The following FAM13A variants were observed in gnomAD, a reference collection of about 807,000 sequenced individuals.
The protein encoded by FAM13A is protein FAM13A.
Under a neutral mutation model 129.6 loss-of-function variants are expected in FAM13A, and 76 were observed. The observed-to-expected ratio is 0.59, with a 90% confidence interval of 0.49 to 0.71. The LOEUF (loss-of-function observed/expected upper bound fraction) is 0.71. Ranked by LOEUF, FAM13A falls within the 30% of genes least tolerant of loss-of-function variation. FAM13A has a pLI of 0.00. For synonymous variants in FAM13A, 443 were observed against 449.9 expected, an observed-to-expected ratio of 0.98 and a Z score of 0.20; for missense variants, 1,108 against 1,249.3, an observed-to-expected ratio of 0.89 and a Z score of 1.70.
At chr4:88,871,724 A>C (rs1205899976) in intron 6 of FAM13A, among the ~76,000 whole-genome samples, 1 of 152,238 alleles carries the variant, frequency 6.6e-6, no homozygotes, top group East Asian at 1.9e-4. Flanking sequence ...AACACTCTGC[A>C]GGATATTATC....
chr4:88,985,008 C>T (rs1388476556), intron 4 of FAM13A, among the ~76,000 whole-genome samples: 3 of 152,084 alleles, frequency 2.0e-5, no homozygotes, highest in South Asian at 2.1e-4. Context: ...CAGCATCATT[C>T]GAAATAGCCA....
intron 1 of FAM13A, among the ~76,000 whole-genome samples, chr4:89,041,133 CAT>C (rs1292136191): frequency 6.6e-6 from 1 of 152,170 alleles, no homozygotes; most frequent in African/African-American, 2.4e-5. Context: ...TGAGTACAAA[CAT>C]ACAGTTAGAA....
At chr4:89,045,306 T>C (rs763913315) in intron 1 of FAM13A, among the ~76,000 whole-genome samples, 1 of 152,080 alleles carries the variant, frequency 6.6e-6, no homozygotes, top group Admixed American at 6.6e-5. Flanking sequence ...TTCACCTCAG[T>C]AAGGGGCAGA....
At chr4:88,782,776 T>C (rs1280134058) in intron 10 of FAM13A, among the ~76,000 whole-genome samples, 1 of 152,176 alleles carries the variant, frequency 6.6e-6, no homozygotes, top group African/African-American at 2.4e-5. Flanking sequence ...GAGGAGAAGA[T>C]GATAGGGACT....
intron 19 of FAM13A, among the ~76,000 whole-genome samples, chr4:88,739,802 A>AAG (rs1739840878): frequency 6.6e-6 from 1 of 151,420 alleles, no homozygotes; most frequent in Admixed American, 6.6e-5. Context: ...AAAAAAAAAA[A>AAG]AAAAATACAT....
intron 7 of FAM13A, among the ~76,000 whole-genome samples, chr4:88,813,501 T>C (rs1213885908): frequency 6.6e-6 from 1 of 152,146 alleles, no homozygotes; most frequent in Non-Finnish European, 1.5e-5. Flanking sequence ...CAAAACAATA[T>C]GGGGATACCT....
chr4:88,915,035 C>G (rs907576907), intron 5 of FAM13A, among the ~76,000 whole-genome samples: 2 of 152,162 alleles, frequency 1.3e-5, no homozygotes, highest in African/African-American at 2.4e-5. Flanking sequence ...ATTTGGTGAT[C>G]TGGAGAGCAG....
intron 6 of FAM13A, among the ~76,000 whole-genome samples, chr4:88,887,635 A>T (rs1157707265): frequency 6.7e-6 from 1 of 149,580 alleles, no homozygotes; most frequent in Non-Finnish European, 1.5e-5. Context: ...GGATCAAGTG[A>T]TTCTCTTGCC....
intron 7 of FAM13A, among the ~76,000 whole-genome samples, chr4:88,843,967 A>G (rs1056256274): frequency 2.6e-4 from 39 of 152,202 alleles, no homozygotes; most frequent in African/African-American, 9.2e-4. Flanking sequence ...CTGAAGAGAG[A>G]AAACTGACAC....
chr4:88,943,525 C>G (rs66908403), intron 4 of FAM13A, among the ~76,000 whole-genome samples: 2,498 of 152,330 alleles, frequency 0.016, 29 homozygotes, highest in Non-Finnish European at 0.025. Context: ...CATCATGGTT[C>G]TAACATGGCC....
At chr4:88,905,477 G>T (rs1236659601) in intron 6 of FAM13A, among the ~76,000 whole-genome samples, 1 of 152,094 alleles carries the variant, frequency 6.6e-6, no homozygotes, top group Non-Finnish European at 1.5e-5. Context: ...TGTCACAAGG[G>T]TTTGTTGTAC....
rs549249639 is a variant in FAM13A at position 88,972,828 on chromosome 4, G to A, written c.605+18145C>T. On this transcript the variant is annotated intron_variant, in intron 4 of 23. Coordinates refer to ENST00000264344, the MANE Select transcript of FAM13A (RefSeq NM_014883.4). The stretch of plus-strand genomic sequence containing the variant: ...TCACCACATCAGCCAGCATGGTCTC[G>A]AACTCCTGACTTCAGGTGATCCACC... 1.1e-3 allele frequency among the ~76,000 whole-genome samples: 167 copies of A among 152,156 alleles called. 1 individual carries two copies. The highest frequency in any genetic ancestry group is 3.9e-3 in the African/African-American group (163 of 41,508).
At chr4:88,973,377 G>T (rs896407534) in intron 4 of FAM13A, among the ~76,000 whole-genome samples, 1 of 151,854 alleles carries the variant, frequency 6.6e-6, no homozygotes, top group African/African-American at 2.4e-5. Context: ...AGTTTTGGAG[G>T]TTTCTATTGA....
Position 88,727,348 on chromosome 4 carries a change from G to T in FAM13A, c.*1185C>A, listed in dbSNP as rs1305230926. On this transcript the variant is annotated 3_prime_UTR_variant, in exon 24 of 24. Coordinates refer to ENST00000264344, the MANE Select transcript of FAM13A (RefSeq NM_014883.4). ...AGGATTTGGTGTCTTACATTTCCTG[G>T]TCCCTCCAAAATGTCTAATATAGAC... 2.0e-5 allele frequency: 3 copies of T among 152,552 alleles called. No homozygotes were observed. The East Asian group carries it at 5.8e-4, about 29-fold the overall frequency. 9.4% of individuals were successfully genotyped at this position (152,552 alleles called of 1,614,324 possible).
intron 16 of FAM13A, 89 bp from the exon 17 acceptor site, chr4:88,749,122 A>G (rs113281993): frequency 1.1e-6 from 1 of 936,966 alleles, no homozygotes; most frequent in Non-Finnish European, 1.8e-6. Context: ...TTAAATAGGA[A>G]GGAAAAGTTG....
intron 3 of FAM13A, among the ~76,000 whole-genome samples, chr4:89,002,666 C>T (rs1764420316): frequency 1.3e-5 from 2 of 152,120 alleles, no homozygotes; most frequent in African/African-American, 4.8e-5. Context: ...GCCCCTGATC[C>T]CATTTACAAA....
chr4:88,865,626 CT>C (rs1266769610), intron 6 of FAM13A, among the ~76,000 whole-genome samples: 1 of 152,162 alleles, frequency 6.6e-6, no homozygotes, highest in Non-Finnish European at 1.5e-5. Context: ...AGCTGGCAAA[CT>C]TTTTCCGTAA....
chr4:88,895,447 T>TGC (rs1746123064), intron 6 of FAM13A, among the ~76,000 whole-genome samples: 1 of 149,248 alleles, frequency 6.7e-6, no homozygotes, highest in Admixed American at 6.7e-5. Flanking sequence ...AGAGCTTCTG[T>TGC]ACAGCAAAAG....
At chr4:88,979,632 C>T (rs1337301677) in intron 4 of FAM13A, among the ~76,000 whole-genome samples, 2 of 152,082 alleles carry the variant, frequency 1.3e-5, no homozygotes, top group Non-Finnish European at 1.5e-5. Flanking sequence ...TTACCAGGAA[C>T]CTAGTAAGAA....
Sources: gnomAD v4.1 joint callset for allele counts (sites outside exome capture counted in the v4.1 genomes callset) on GRCh38, gnomAD v4.1.1 for gene constraint, MANE v1.5 for transcripts, NCBI Gene and HGNC (gene_info 2026-07-23, HGNC 2026-07-21) for gene names.